The following EML6 variants were observed in gnomAD, a reference collection of about 807,000 sequenced individuals.
EML6 encodes the protein echinoderm microtubule-associated protein-like 6.
A neutral mutation model predicts 240.1 loss-of-function variants in EML6; 154 were observed. That is an observed-to-expected ratio of 0.64 (90% CI 0.56 to 0.73). The LOEUF (loss-of-function observed/expected upper bound fraction) is 0.73. Ranked by LOEUF, EML6 falls within the 30% of genes least tolerant of loss-of-function variation. The pLI is 0.00. For missense variants in EML6, 2,964 were observed against 2,474.6 expected (o/e 1.20, Z -4.20); for synonymous variants, 1,148 against 899.0 (o/e 1.28, Z -4.95).
intron 2 of EML6, among the ~76,000 whole-genome samples, chr2:54,775,522 A>G (rs536417565): frequency 1.5e-3 from 231 of 152,228 alleles, no homozygotes; most frequent in Middle Eastern, 0.014. Flanking sequence ...TTTATATAAA[A>G]TTGCACCTCT....
intron 12 of EML6, among the ~76,000 whole-genome samples, chr2:54,860,246 T>C (rs1487490386): frequency 1.3e-5 from 2 of 152,194 alleles, no homozygotes; most frequent in Non-Finnish European, 2.9e-5. Context: ...ACCCGTGGAC[T>C]GGCTCTTAAT....
chr2:54,942,307 T>G (rs80066194), intron 28 of EML6, among the ~76,000 whole-genome samples: 8,229 of 152,266 alleles, frequency 0.054, 670 homozygotes, highest in African/African-American at 0.18. Context: ...ACCTACTCAC[T>G]TATGGAGATA....
chr2:54,843,537 C>T (rs1218006860), intron 7 of EML6, among the ~76,000 whole-genome samples: 3 of 152,058 alleles, frequency 2.0e-5, no homozygotes, highest in Admixed American at 6.6e-5. Flanking sequence ...AAACATCCAG[C>T]GCTTGTAAGA....
At chr2:54,802,164 A>G (rs987411413) in intron 2 of EML6, among the ~76,000 whole-genome samples, 2 of 152,210 alleles carry the variant, frequency 1.3e-5, no homozygotes, top group African/African-American at 4.8e-5. Context: ...TGTAGCTAAC[A>G]TTCTTTTAAA....
In EML6 at chr2:54,928,639, G is replaced by A. The variant is rs571747334; in HGVS notation, c.3892G>A (p.Val1298Ile). Residue 1298 changes from valine to isoleucine, a missense_variant, in exon 28 of 42, where the codon GTT becomes ATT. Val to Ile is a conservative substitution (Grantham distance 29). Coordinates refer to ENST00000356458, the MANE Select transcript of EML6 (RefSeq NM_001039753.4). ...VEEDGGYDSD[V>I]AREKAIDYTT... is the part of the protein sequence containing the mutation. ...TGTTGTTTGAGGCTATGACAGCGAT[G>A]TTGCTAGAGAAAAGGCCATTGACTA... is the stretch of plus-strand genomic sequence containing the variant. The A allele has an allele frequency of 1.9e-6, 3 of 1,552,220 alleles. No individual in the cohort carries two copies. The highest frequency in any genetic ancestry group is 1.4e-5 in the African/African-American group (1 of 73,156).
At chr2:54,842,168 C>T (rs1018384665) in intron 7 of EML6, among the ~76,000 whole-genome samples, 7 of 152,142 alleles carry the variant, frequency 4.6e-5, no homozygotes, top group African/African-American at 1.4e-4. Context: ...CATGTCTCCA[C>T]CATTATAGTA....
chr2:54,875,947 A>C (rs1354235657), intron 16 of EML6, among the ~76,000 whole-genome samples: 1 of 152,214 alleles, frequency 6.6e-6, no homozygotes, highest in Non-Finnish European at 1.5e-5. Flanking sequence ...ACTTGATTTC[A>C]TTGTGTTCAG....
At chr2:54,885,109 A>G (rs997727891) in intron 17 of EML6, among the ~76,000 whole-genome samples, 1 of 152,108 alleles carries the variant, frequency 6.6e-6, no homozygotes, top group Non-Finnish European at 1.5e-5. Context: ...GTGAGCCCAG[A>G]TTGCGCCACT....
chr2:54,773,019 A>C (rs1360595445), intron 2 of EML6, among the ~76,000 whole-genome samples: 1 of 152,196 alleles, frequency 6.6e-6, no homozygotes, highest in Non-Finnish European at 1.5e-5. Flanking sequence ...TTCTGTCCTC[A>C]TGTCCGAAAG....
At chr2:54,809,753 C>G (rs1308589584) in intron 2 of EML6, among the ~76,000 whole-genome samples, 1 of 152,180 alleles carries the variant, frequency 6.6e-6, no homozygotes, top group Admixed American at 6.5e-5. Flanking sequence ...CTTCTATTCT[C>G]TTGCAAATCT....
chr2:54,733,551 C>G (rs1301319076), intron 2 of EML6, among the ~76,000 whole-genome samples: 6 of 152,090 alleles, frequency 3.9e-5, no homozygotes, highest in African/African-American at 9.7e-5. Flanking sequence ...TGGAAGTGTC[C>G]CTGTGCATCA....
intron 24 of EML6, among the ~76,000 whole-genome samples, chr2:54,907,941 TAGATA>T (rs1323547028): frequency 0.022 from 563 of 25,892 alleles, 1 homozygote; most frequent in Middle Eastern, 0.04. Flanking sequence ...GATAGATAGA[TAGATA>T]AGATAGATAG....
intron 24 of EML6, among the ~76,000 whole-genome samples, chr2:54,909,346 T>A (rs899193459): frequency 3.9e-5 from 6 of 152,208 alleles, no homozygotes; most frequent in Non-Finnish European, 7.3e-5. Flanking sequence ...TTTTTTCTTT[T>A]CTCACTTACA....
In EML6 at chr2:54,971,876, TGG is replaced by T. The variant is rs1677035064; in HGVS notation, c.*1782_*1783del. On this transcript the variant is annotated 3_prime_UTR_variant, in exon 42 of 42. Transcript: ENST00000356458. ...AAAAACTTATTTGTAAACGTTTATATGGTATGATTTTGATTTTATGTATGTTC... is the reference window on the plus strand; with the variant it reads ...AAAAACTTATTTGTAAACGTTTATATTATGATTTTGATTTTATGTATGTTC... 1 of 152,236 alleles carries T rather than the reference TGG, an allele frequency of 6.6e-6. No homozygotes were observed. Among genetic ancestry groups the T allele is most frequent in the Non-Finnish European group, 1.5e-5 (1 of 68,038 alleles). The allele number at this position is 152,236 out of a possible 1,614,324, so 9.4% of individuals were successfully genotyped here. A position where few individuals can be genotyped will look rare whatever the true frequency, so the allele number is the denominator to read the frequency against.
At chr2:54,853,260 C>G (rs776184405) in intron 10 of EML6, among the ~76,000 whole-genome samples, 1 of 152,166 alleles carries the variant, frequency 6.6e-6, no homozygotes, top group Non-Finnish European at 1.5e-5. Flanking sequence ...ATAATACCAT[C>G]TGTATCAAGG....
At chr2:54,839,723 C>G (rs1173659228) in intron 7 of EML6, among the ~76,000 whole-genome samples, 1 of 152,184 alleles carries the variant, frequency 6.6e-6, no homozygotes, top group African/African-American at 2.4e-5. Flanking sequence ...TCTTGCTGTC[C>G]TATTTCCTGG....
intron 26 of EML6, among the ~76,000 whole-genome samples, chr2:54,920,130 A>G (rs935900085): frequency 6.6e-6 from 1 of 152,270 alleles, no homozygotes; most frequent in South Asian, 2.1e-4. Flanking sequence ...GGAAAAGAAG[A>G]CCAAACTAAG....
intron 16 of EML6, among the ~76,000 whole-genome samples, chr2:54,877,657 G>C (rs6737674): frequency 0.04 from 6,165 of 152,258 alleles, 413 homozygotes; most frequent in African/African-American, 0.14. Context: ...TTAAAGCCTG[G>C]TAACATTTAA....
chr2:54,952,731 C>A, intron 31 of EML6, 39 bp downstream of exon 31: 2 of 1,380,876 alleles, frequency 1.4e-6, no homozygotes, highest in Non-Finnish European at 2.0e-6. Flanking sequence ...TCCCAGCTTG[C>A]AGGGACGCTG....
Sources: allele counts gnomAD v4.1 joint callset (sites outside exome capture counted in the v4.1 genomes callset), GRCh38; gene constraint gnomAD v4.1.1; transcripts MANE v1.5; gene names NCBI Gene and HGNC (gene_info 2026-07-23, HGNC 2026-07-21).